STXBP5: variants seen among roughly 807,000 people sequenced by gnomAD.
STXBP5 encodes the protein syntaxin-binding protein 5.
STXBP5 carries 50 observed loss-of-function variants against 152.4 expected under a neutral mutation model. That is an observed-to-expected ratio of 0.33 (90% CI 0.26 to 0.42). The LOEUF (loss-of-function observed/expected upper bound fraction) is 0.42. STXBP5 is among the 10% of genes least tolerant of loss of function. The pLI is 1.00. For missense variants in STXBP5, 1,167 were observed against 1,388.6 expected (o/e 0.84, Z 2.54); for synonymous variants, 492 against 494.7 (o/e 0.99, Z 0.07).
At position 147,239,236 on chromosome 6, in the gene STXBP5, G is replaced by T; in HGVS notation, c.397G>T (p.Ala133Ser). Reference protein sequence around the residue: ...HLWNLRQKRPAILHSLKFCRE... With the variant: ...HLWNLRQKRPSILHSLKFCRE... The stretch of plus-strand genomic sequence containing the variant: ...ATGGAATTTACGTCAGAAGAGGCCT[G>T]CCATACTACATTCGCTTAAATTTTG... The change falls in exon 4 of 28, where the codon GCC becomes TCC. Residue 133 changes from alanine to serine, a missense_variant. By Grantham distance (99) the Ala-to-Ser change is moderately conservative. Transcript: ENST00000321680. 2 of 1,613,734 alleles carry T rather than the reference G, an allele frequency of 1.2e-6. No homozygotes were observed. Among genetic ancestry groups the T allele is most frequent in the South Asian group, 1.1e-5 (1 of 91,044 alleles).
chr6:147,248,785 T>C (rs1199188462), intron 4 of STXBP5, among the ~76,000 whole-genome samples: 1 of 152,174 alleles, frequency 6.6e-6, no homozygotes, highest in Non-Finnish European at 1.5e-5. Flanking sequence ...CCAGATGTAT[T>C]TCAGTTCCCA....
chr6:147,267,675 TTTTTTTGTTTTTTG>T (rs777482231), intron 7 of STXBP5, among the ~76,000 whole-genome samples: 1 of 152,024 alleles, frequency 6.6e-6, no homozygotes, highest in African/African-American at 2.4e-5. Context: ...CTTTAACATG[TTTTTTTGTTTTTTG>T]TTTTTTGTTT....
At chr6:147,254,518 G>A (rs1779259355) in intron 4 of STXBP5, among the ~76,000 whole-genome samples, 1 of 152,138 alleles carries the variant, frequency 6.6e-6, no homozygotes, top group African/African-American at 2.4e-5. Context: ...CCTACAGAAT[G>A]CGAGAAAATT....
At chr6:147,329,188 T>G (rs1218969305) in intron 18 of STXBP5, among the ~76,000 whole-genome samples, 1 of 150,574 alleles carries the variant, frequency 6.6e-6, no homozygotes, top group Non-Finnish European at 1.5e-5. Context: ...AGACTGATTT[T>G]TACCATCTAA....
chr6:147,324,277 T>TG (rs1431461561), intron 16 of STXBP5, among the ~76,000 whole-genome samples: 18 of 130,400 alleles, frequency 1.4e-4, no homozygotes, highest in Non-Finnish European at 2.5e-4. Flanking sequence ...TTTTTTTTTT[T>TG]TTTTTTTTTT....
In STXBP5 at chr6:147,252,911, A is replaced by C. The variant is rs151087751; in HGVS notation, c.432-7704A>C. ...AGAAGCTAGTACTTTTCCTTCTGCA[A>C]CTATTCCAAACAATAGAAAAAGAGG... is the stretch of plus-strand genomic sequence containing the variant. On this transcript the variant is annotated intron_variant, in intron 4 of 27. Transcript: ENST00000321680. 2.5e-4 allele frequency among the ~76,000 whole-genome samples: 38 copies of C among 152,322 alleles called. 1 individual carries two copies. Among genetic ancestry groups the C allele is most frequent in the African/African-American group, 8.9e-4 (37 of 41,560 alleles).
chr6:147,249,863 C>G (rs1010505816), intron 4 of STXBP5, among the ~76,000 whole-genome samples: 1 of 152,196 alleles, frequency 6.6e-6, no homozygotes, highest in Non-Finnish European at 1.5e-5. Context: ...CCCCACAGAT[C>G]TTTTCAAGAA....
chr6:147,361,722 A>G (rs762094654), intron 23 of STXBP5, among the ~76,000 whole-genome samples: 3 of 152,210 alleles, frequency 2.0e-5, no homozygotes, highest in Non-Finnish European at 4.4e-5. Context: ...AAAAATCTAC[A>G]TACTAGAACA....
intron 5 of STXBP5, among the ~76,000 whole-genome samples, chr6:147,261,220 T>G (rs1295650360): frequency 6.6e-6 from 1 of 152,078 alleles, no homozygotes; most frequent in Non-Finnish European, 1.5e-5. Flanking sequence ...TAATTTTGTT[T>G]GATTTTACTT....
chr6:147,356,321 A>G (rs1368649499), intron 22 of STXBP5, among the ~76,000 whole-genome samples: 7 of 152,004 alleles, frequency 4.6e-5, no homozygotes, highest in Non-Finnish European at 8.8e-5. Flanking sequence ...GTTTTCTATT[A>G]CTATCACTAC....
At chr6:147,380,173 T>TAC (rs58343558) in intron 26 of STXBP5, among the ~76,000 whole-genome samples, 23,889 of 142,810 alleles carry the variant, frequency 0.17, 1,946 homozygotes, top group East Asian at 0.3. Flanking sequence ...AATAGCCACG[T>TAC]ACACACACAC....
At chr6:147,281,146 TC>T (rs1780680479) in intron 8 of STXBP5, among the ~76,000 whole-genome samples, 1 of 152,126 alleles carries the variant, frequency 6.6e-6, no homozygotes, top group African/African-American at 2.4e-5. Context: ...AACCTCTGCT[TC>T]CCAGGTTCAA....
intron 21 of STXBP5, among the ~76,000 whole-genome samples, chr6:147,345,256 A>T (rs901771564): frequency 1.3e-5 from 2 of 152,176 alleles, no homozygotes; most frequent in African/African-American, 4.8e-5. Flanking sequence ...GGAAACAGAC[A>T]TATATAGAGC....
chr6:147,221,970 T>C (rs979562778), intron 2 of STXBP5, among the ~76,000 whole-genome samples: 1 of 152,138 alleles, frequency 6.6e-6, no homozygotes, highest in Non-Finnish European at 1.5e-5. Context: ...TCTTTGCTTT[T>C]CAATTTTGGA....
chr6:147,324,112 A>G (rs567659647), intron 16 of STXBP5, among the ~76,000 whole-genome samples: 1 of 152,182 alleles, frequency 6.6e-6, no homozygotes, highest in South Asian at 2.1e-4. Context: ...TGTCACCTCA[A>G]AGTCAAGGTA....
intron 7 of STXBP5, among the ~76,000 whole-genome samples, chr6:147,272,362 C>A (rs1780214557): frequency 6.6e-6 from 1 of 152,130 alleles, no homozygotes; most frequent in South Asian, 2.1e-4. Context: ...TCTTAACACA[C>A]GTTAATATTC....
chr6:147,310,089 C>A lies in STXBP5; in HGVS notation c.923C>A (p.Pro308His). 6.5e-7 allele frequency: 1 copy of A among 1,534,636 alleles called. No individual in the cohort carries two copies. The highest frequency in any genetic ancestry group is 8.7e-7 in the Non-Finnish European group (1 of 1,146,866). Residue 308 changes from proline (P) to histidine (H), a missense_variant, in exon 10 of 28, where the codon CCT (proline) becomes CAT (histidine). By Grantham distance (77) the Pro-to-His change is moderately conservative (BLOSUM62 -2). Coordinates refer to ENST00000321680, the MANE Select transcript of STXBP5 (RefSeq NM_001127715.4). Reference sequence around the variant, plus strand: ...AATATGTATTTTATTTCCAGGGAGCCTTTTATTATTTTATCAGGAGGTTTG... The same window carrying A: ...AATATGTATTTTATTTCCAGGGAGCATTTTATTATTTTATCAGGAGGTTTG... ...VEFKTTRSGE[P>H]FIILSGGLSY...
chr6:147,349,662 C>T (rs1171926656), intron 21 of STXBP5, among the ~76,000 whole-genome samples: 1 of 152,130 alleles, frequency 6.6e-6, no homozygotes, highest in Admixed American at 6.6e-5. Context: ...ACACCTTGTG[C>T]CTACCTTTGT....
intron 4 of STXBP5, among the ~76,000 whole-genome samples, chr6:147,257,144 C>T (rs113510313): frequency 2.0e-4 from 30 of 151,302 alleles, no homozygotes; most frequent in African/African-American, 6.8e-4. Context: ...AAGTCAAGTG[C>T]AGTATAGGGA....
Sources: allele counts gnomAD v4.1 joint callset (sites outside exome capture counted in the v4.1 genomes callset), GRCh38; gene constraint gnomAD v4.1.1; transcripts MANE v1.5; gene names NCBI Gene and HGNC (gene_info 2026-07-23, HGNC 2026-07-21).